Variants in SLC1A7 observed in about 807,000 individuals in gnomAD.
SLC1A7 encodes excitatory amino acid transporter 5.
In SLC1A7, 40 loss-of-function variants were observed where a neutral mutation model predicts 47.7. The ratio of observed to expected loss-of-function variants is 0.84; its 90% CI spans 0.65 to 1.09. The LOEUF is 1.09. Among genes scored for constraint, SLC1A7 ranks in the 50% least tolerant of loss-of-function variants. The pLI is 0.00. For synonymous variants in SLC1A7, 323 were observed against 325.6 expected (o/e 0.99, Z 0.09); for missense variants, 746 against 769.5 (o/e 0.97, Z 0.36).
intron 1 of SLC1A7, 83 bp from the exon 2 acceptor site, chr1:53,134,512 A>G: frequency 1.2e-6 from 1 of 850,262 alleles, no homozygotes; most frequent in Non-Finnish European, 1.9e-6. Flanking sequence ...TTGAAGCACT[A>G]TCCCATCTGA....
chr1:53,114,669 T>C (rs889958964), intron 3 of SLC1A7, 89 bp downstream of exon 3: 87 of 1,125,464 alleles, frequency 7.7e-5, no homozygotes, highest in Non-Finnish European at 1.1e-4. Context: ...ATCACCCCCA[T>C]CTCCACACCC....
At chr1:53,126,899 G>A (rs191995824) in intron 2 of SLC1A7, among the ~76,000 whole-genome samples, 3 of 151,644 alleles carry the variant, frequency 2.0e-5, no homozygotes, top group East Asian at 3.9e-4. Context: ...GTCTTGCTTT[G>A]TTGCCCAGGC....
intron 5 of SLC1A7, among the ~76,000 whole-genome samples, chr1:53,101,160 TACAC>T (rs1250106531): frequency 2.2e-5 from 2 of 92,972 alleles, no homozygotes; most frequent in Non-Finnish European, 4.4e-5. Context: ...TCAGTACACT[TACAC>T]ACCCTGCCTC....
intron 5 of SLC1A7, among the ~76,000 whole-genome samples, chr1:53,101,858 G>A (rs949637567): frequency 2.8e-5 from 4 of 142,716 alleles, no homozygotes; most frequent in Non-Finnish European, 6.1e-5. Flanking sequence ...TCACACGCCC[G>A]CCTCGGTACA....
At chr1:53,119,587 A>C (rs1040098081) in intron 2 of SLC1A7, among the ~76,000 whole-genome samples, 6 of 152,060 alleles carry the variant, frequency 3.9e-5, no homozygotes, top group Admixed American at 6.5e-5. Flanking sequence ...CCTGAGCCCA[A>C]ATGATCCTCC....
intron 2 of SLC1A7, among the ~76,000 whole-genome samples, chr1:53,126,916 G>C (rs376689957): frequency 3.3e-5 from 5 of 152,052 alleles, no homozygotes; most frequent in African/African-American, 1.2e-4. Flanking sequence ...AGGCTGGAGT[G>C]CAATGGCATG....
Position 53,113,766 on chromosome 1 carries a change from G to A in SLC1A7, c.431+992C>T, listed in dbSNP as rs559151271. Among the ~76,000 whole-genome samples the A allele has an allele frequency of 1.5e-4, 23 of 152,152 alleles. No homozygotes were observed. In the South Asian group the frequency reaches 4.4e-3, roughly 29 times the overall value. The stretch of plus-strand genomic sequence containing the variant: ...CAACTTAGCTTTTGGCCTGGTTCAC[G>A]GTGCACTTTGAGGCCGGTCCCCACC... On this transcript the variant is annotated intron_variant, in intron 3 of 10. Transcript: ENST00000371494.
intron 3 of SLC1A7, among the ~76,000 whole-genome samples, chr1:53,108,888 A>T (rs1045766828): frequency 1.3e-5 from 2 of 152,200 alleles, no homozygotes; most frequent in African/African-American, 4.8e-5. Context: ...ATAACCAATG[A>T]ATTTATCCTG....
chr1:53,118,495 C>T (rs1014305720), intron 2 of SLC1A7: 4 of 152,192 alleles, frequency 2.6e-5, no homozygotes, highest in Non-Finnish European at 4.4e-5. Flanking sequence ...TCCCCAGACA[C>T]CTGAACACCC....
chr1:53,108,370 C>A, intron 3 of SLC1A7: 1 of 586,766 alleles, frequency 1.7e-6, no homozygotes, highest in South Asian at 2.2e-5. Context: ...ACTTCCTTTA[C>A]AATTACAATC....
intron 1 of SLC1A7, among the ~76,000 whole-genome samples, chr1:53,141,396 G>A (rs1258026578): frequency 6.6e-6 from 1 of 151,992 alleles, no homozygotes; most frequent in East Asian, 1.9e-4. Context: ...CTCTCCCCAG[G>A]AGGTCTTGAT....
chr1:53,105,201 C>A (rs559689684), intron 4 of SLC1A7, among the ~76,000 whole-genome samples: 1 of 152,074 alleles, frequency 6.6e-6, no homozygotes, highest in Non-Finnish European at 1.5e-5. Context: ...TTTTTGTTTT[C>A]TACTTTATAT....
chr1:53,100,898 C>T (rs1384598914), intron 5 of SLC1A7, among the ~76,000 whole-genome samples: 2 of 150,586 alleles, frequency 1.3e-5, no homozygotes, highest in African/African-American at 4.9e-5. Flanking sequence ...CAGACTGCCT[C>T]AATACATTCA....
intron 4 of SLC1A7, 142 bp from the exon 5 acceptor site, chr1:53,103,710 G>A: frequency 1.8e-6 from 1 of 563,458 alleles, no homozygotes; most frequent in Non-Finnish European, 3.1e-6. Flanking sequence ...GAGGCAGGCA[G>A]AGCAGGGATT....
chr1:53,119,324 A>G (rs186304981), intron 2 of SLC1A7, among the ~76,000 whole-genome samples: 26 of 152,262 alleles, frequency 1.7e-4, no homozygotes, highest in African/African-American at 5.5e-4. Context: ...GGTGGGGGAA[A>G]AGATCTGGTT....
At chr1:53,110,818 AC>A (rs996611774) in intron 3 of SLC1A7, among the ~76,000 whole-genome samples, 1 of 152,036 alleles carries the variant, frequency 6.6e-6, no homozygotes, top group African/African-American at 2.4e-5. Context: ...TGCAAAGCCC[AC>A]AGTGCGGCCG....
chr1:53,131,246 T>TG (rs1181633691), intron 2 of SLC1A7, among the ~76,000 whole-genome samples: 5 of 152,290 alleles, frequency 3.3e-5, no homozygotes, highest in East Asian at 1.9e-4. Flanking sequence ...AGCCCAGGGT[T>TG]GGGGGCCTCA....
At chr1:53,114,168 C>G (rs911622904) in intron 3 of SLC1A7, among the ~76,000 whole-genome samples, 1 of 152,092 alleles carries the variant, frequency 6.6e-6, no homozygotes, top group South Asian at 2.1e-4. Flanking sequence ...GCAGGGGACC[C>G]GGGGAAAGGG....
In SLC1A7 at chr1:53,117,726, AAAGGCCCCTCAG is replaced by A. The variant is rs1644776396; in HGVS notation, c.216-2765_216-2754del. ...TGAGGACTGGATTTCAGGAAAGGAT[AAAGGCCCCTCAG>A]AAGGCCCCCCACCGGGGACGAAGAG... is the stretch of plus-strand genomic sequence containing the variant. On this transcript the variant is annotated intron_variant, in intron 2 of 10. Transcript: ENST00000371494. Among the ~76,000 whole-genome samples the A allele has an allele frequency of 3.9e-5, 6 of 152,318 alleles. No individual in the cohort carries two copies. The South Asian group carries it at 1.2e-3, about 32-fold the overall frequency.
Sources: gnomAD v4.1 joint callset for allele counts (sites outside exome capture counted in the v4.1 genomes callset) on GRCh38, gnomAD v4.1.1 for gene constraint, MANE v1.5 for transcripts, NCBI Gene and HGNC (gene_info 2026-07-23, HGNC 2026-07-21) for gene names.